Variants in SLIT2 observed in about 807,000 individuals in gnomAD.
SLIT2 encodes slit guidance ligand 2, also known as slit homolog 2 protein.
SLIT2 carries 41 observed loss-of-function variants against 185.7 expected under a neutral mutation model. The ratio of observed to expected loss-of-function variants is 0.22; its 90% CI spans 0.17 to 0.29. SLIT2 has a LOEUF of 0.29. Ranked by LOEUF, SLIT2 falls within the 10% of genes least tolerant of loss-of-function variation. The pLI, the probability that SLIT2 is intolerant of heterozygous loss-of-function variation, is 1.00. For missense variants in SLIT2, 1,571 were observed against 1,909.0 expected (o/e 0.82, Z 3.30); for synonymous variants, 693 against 680.2 (o/e 1.02, Z -0.29).
rs145022776 is a variant in SLIT2, at chr4:20,542,748, A to G, written c.2276+122A>G. 8.1e-5 allele frequency: 84 copies of G among 1,043,044 alleles called. No individual in the cohort carries two copies. In the African/African-American group the frequency reaches 1.1e-3, roughly 14 times the overall value. The allele number at this position is 1,043,044 out of a possible 1,614,324, so 64.6% of individuals were successfully genotyped here. A position where few individuals can be genotyped will look rare whatever the true frequency, so the allele number is the denominator to read the frequency against. Reference sequence around the variant, plus strand: ...ACAAATCATATTCTAAGGCCAGTTAATTATTATCCTGTAAAATGGTAAATA... The same window carrying G: ...ACAAATCATATTCTAAGGCCAGTTAGTTATTATCCTGTAAAATGGTAAATA... On this transcript the variant is annotated intron_variant, in intron 21 of 36. Transcript: ENST00000504154.
chr4:20,298,614 CT>C (rs1457746989), intron 4 of SLIT2, among the ~76,000 whole-genome samples: 1 of 152,126 alleles, frequency 6.6e-6, no homozygotes, highest in Admixed American at 6.6e-5. Context: ...ATTTTGGCCC[CT>C]TTATTGCTCT....
intron 4 of SLIT2, among the ~76,000 whole-genome samples, chr4:20,377,815 T>C (rs142695716): frequency 1.3e-5 from 2 of 152,288 alleles, no homozygotes; most frequent in African/African-American, 4.8e-5. Context: ...CCATATCTAA[T>C]AGGTGTGGTA....
At chr4:20,501,974 T>A (rs688826) in intron 9 of SLIT2, among the ~76,000 whole-genome samples, 115,001 of 151,626 alleles carry the variant, frequency 0.76, 43,905 homozygotes, top group East Asian at 0.95. Flanking sequence ...ATTTATATTT[T>A]TTTTTTGCAA....
chr4:20,319,002 A>G (rs979332080), intron 4 of SLIT2, among the ~76,000 whole-genome samples: 3 of 152,152 alleles, frequency 2.0e-5, no homozygotes, highest in Admixed American at 1.3e-4. Flanking sequence ...TGCAACTCCT[A>G]TTGAAGCTGC....
At chr4:20,403,897 TAAAAA>T (rs11462563) in intron 4 of SLIT2, among the ~76,000 whole-genome samples, 2 of 146,176 alleles carry the variant, frequency 1.4e-5, no homozygotes, top group Admixed American at 1.4e-4. Flanking sequence ...TAACTGGACT[TAAAAA>T]AAAAACAAAA....
At chr4:20,373,008 A>G (rs1241178694) in intron 4 of SLIT2, among the ~76,000 whole-genome samples, 1 of 152,106 alleles carries the variant, frequency 6.6e-6, no homozygotes, top group Non-Finnish European at 1.5e-5. Flanking sequence ...CTACTCAGTT[A>G]TTTAGAAATC....
At chr4:20,614,426 G>A (rs2148986220) in intron 34 of SLIT2, among the ~76,000 whole-genome samples, 1 of 152,182 alleles carries the variant, frequency 6.6e-6, no homozygotes, top group South Asian at 2.1e-4. Context: ...TGATTGATTG[G>A]CTGATTGATT....
chr4:20,383,795 C>T lies in SLIT2; in HGVS notation c.396-83957C>T, dbSNP rs80108905. Among the ~76,000 whole-genome samples, 5 of 152,158 alleles carry T rather than the reference C, an allele frequency of 3.3e-5. No individual in the cohort carries two copies. The East Asian group carries it at 9.7e-4, about 29-fold the overall frequency. On this transcript the variant is annotated intron_variant, in intron 4 of 36. Transcript: ENST00000504154. ...TCGGCTCACTGCAATCTCCATCTCC[C>T]GGATTCAAGTGATTCTCCTGCCTCA...
At chr4:20,442,996 C>T (rs760983827) in intron 4 of SLIT2, among the ~76,000 whole-genome samples, 4 of 151,932 alleles carry the variant, frequency 2.6e-5, no homozygotes, top group African/African-American at 4.8e-5. Context: ...TTAAAAGTGA[C>T]GAGAATAAGT....
chr4:20,617,267 G>T (rs1729735315), intron 35 of SLIT2, 69 bp downstream of exon 35: 1 of 741,690 alleles, frequency 1.3e-6, no homozygotes, highest in South Asian at 1.6e-5. Context: ...AGGAAGGAAG[G>T]AAAGAAGAAG....
At chr4:20,611,744 T>C (rs1729239740) in intron 34 of SLIT2, among the ~76,000 whole-genome samples, 1 of 152,192 alleles carries the variant, frequency 6.6e-6, no homozygotes, top group Non-Finnish European at 1.5e-5. Context: ...CAGTGCTCCT[T>C]TTATAGCCTT....
intron 4 of SLIT2, among the ~76,000 whole-genome samples, chr4:20,410,768 T>C (rs1016710272): frequency 1.9e-4 from 29 of 152,146 alleles, no homozygotes; most frequent in African/African-American, 5.8e-4. Flanking sequence ...TCTGTTCCCT[T>C]GGTCTTGGAG....
chr4:20,517,053 G>T (rs1305341894), intron 11 of SLIT2, among the ~76,000 whole-genome samples: 2 of 152,140 alleles, frequency 1.3e-5, no homozygotes, highest in African/African-American at 2.4e-5. Flanking sequence ...CAAAGCAGAA[G>T]TCTCAAGTGA....
chr4:20,594,713 G>T (rs1257549915), intron 30 of SLIT2, among the ~76,000 whole-genome samples: 2 of 152,144 alleles, frequency 1.3e-5, no homozygotes, highest in Non-Finnish European at 2.9e-5. Flanking sequence ...AGAAGTACAG[G>T]TTTAAAGGGA....
intron 4 of SLIT2, among the ~76,000 whole-genome samples, chr4:20,381,950 A>G (rs1287705352): frequency 1.3e-5 from 2 of 151,804 alleles, no homozygotes; most frequent in Non-Finnish European, 2.9e-5. Context: ...TAAATACAAA[A>G]CTGTATTTAT....
intron 4 of SLIT2, among the ~76,000 whole-genome samples, chr4:20,344,369 G>T (rs1309095121): frequency 1.3e-5 from 2 of 152,166 alleles, no homozygotes; most frequent in Admixed American, 1.3e-4. Context: ...AATTCTTGGA[G>T]AAATTTTTTT....
chr4:20,489,612 C>T (rs6846009), intron 8 of SLIT2, among the ~76,000 whole-genome samples: 36,375 of 151,664 alleles, frequency 0.24, 5,152 homozygotes, highest in African/African-American at 0.4. Context: ...GGCAAAACCC[C>T]GTCCTTTCTA....
chr4:20,321,184 C>T (rs1440569432), intron 4 of SLIT2, among the ~76,000 whole-genome samples: 1 of 152,104 alleles, frequency 6.6e-6, no homozygotes, highest in Non-Finnish European at 1.5e-5. Context: ...AGCTCTCCTC[C>T]AAACCAATGT....
intron 4 of SLIT2, among the ~76,000 whole-genome samples, chr4:20,384,511 C>A (rs1291770675): frequency 6.6e-6 from 1 of 152,028 alleles, no homozygotes; most frequent in African/African-American, 2.4e-5. Context: ...CGCAGGAAAA[C>A]CGACTAAAAA....
Sources: allele counts gnomAD v4.1 joint callset (sites outside exome capture counted in the v4.1 genomes callset), GRCh38; gene constraint gnomAD v4.1.1; transcripts MANE v1.5; gene names NCBI Gene and HGNC (gene_info 2026-07-23, HGNC 2026-07-21).